The following CHST8 variants were observed in gnomAD, a reference collection of about 807,000 sequenced individuals.
CHST8 encodes GALNAC-4-ST1.
Under a neutral mutation model 15.0 loss-of-function variants are expected in CHST8, and 10 were observed. That is an observed-to-expected ratio of 0.67 (90% CI 0.41 to 1.13). CHST8 has a LOEUF of 1.13. Among genes scored for constraint, CHST8 ranks in the 50% most tolerant of loss-of-function variants. The probability of loss-of-function intolerance (pLI) is 0.00; values close to 1 mark genes in which losing one functional copy is unlikely to be tolerated. For missense variants in CHST8, 634 were observed against 608.2 expected (o/e 1.04, Z -0.45); for synonymous variants, 259 against 256.6 (o/e 1.01, Z -0.09).
intron 1 of CHST8, among the ~76,000 whole-genome samples, chr19:33,665,544 G>T (rs534459450): frequency 6.6e-6 from 1 of 152,070 alleles, no homozygotes; most frequent in South Asian, 2.1e-4. Context: ...ACACAGATGG[G>T]TATGGAAATG....
At chr19:33,691,318 ACACG>A (rs1484838829) in intron 3 of CHST8, among the ~76,000 whole-genome samples, 6 of 152,198 alleles carry the variant, frequency 3.9e-5, no homozygotes, top group Admixed American at 2.6e-4. Flanking sequence ...GGCAAGGAGC[ACACG>A]TGGGTCTTCT....
At chr19:33,727,262 T>C (rs1973918955) in intron 3 of CHST8, among the ~76,000 whole-genome samples, 1 of 152,116 alleles carries the variant, frequency 6.6e-6, no homozygotes, top group Non-Finnish European at 1.5e-5. Context: ...ATCTTCCATA[T>C]GTCAGGCTTA....
intron 3 of CHST8, among the ~76,000 whole-genome samples, chr19:33,725,681 C>G (rs1973881275): frequency 6.6e-6 from 1 of 152,250 alleles, no homozygotes; most frequent in Non-Finnish European, 1.5e-5. Context: ...CTCTGGGGGT[C>G]TCGGCACAGA....
intron 1 of CHST8, among the ~76,000 whole-genome samples, chr19:33,632,530 C>T (rs1455454320): frequency 6.6e-6 from 1 of 152,048 alleles, no homozygotes; most frequent in Admixed American, 6.6e-5. Flanking sequence ...ATATTTAAGC[C>T]TTTTATTCCA....
chr19:33,688,457 C>G (rs2145255637), intron 2 of CHST8, among the ~76,000 whole-genome samples: 1 of 152,294 alleles, frequency 6.6e-6, no homozygotes, highest in South Asian at 2.1e-4. Flanking sequence ...CTGTTGGACA[C>G]AGGTCTAGCT....
At chr19:33,765,498 G>A (rs564378400) in intron 3 of CHST8, among the ~76,000 whole-genome samples, 33 of 146,962 alleles carry the variant, frequency 2.2e-4, no homozygotes, top group African/African-American at 7.8e-4. Context: ...ACAGGGTTTA[G>A]ACAAATGCCA....
chr19:33,686,859 A>C (rs1310388666), intron 2 of CHST8, among the ~76,000 whole-genome samples: 1 of 152,170 alleles, frequency 6.6e-6, no homozygotes. Context: ...GCATGTATGC[A>C]TATGTGTGTT....
chr19:33,742,028 C>T (rs1974203297), intron 3 of CHST8, among the ~76,000 whole-genome samples: 1 of 152,074 alleles, frequency 6.6e-6, no homozygotes, highest in Non-Finnish European at 1.5e-5. Flanking sequence ...GCAACACTTC[C>T]AGTTCTCAGG....
At chr19:33,671,000 C>A (rs571829430) in intron 2 of CHST8, among the ~76,000 whole-genome samples, 2 of 152,302 alleles carry the variant, frequency 1.3e-5, no homozygotes, top group Non-Finnish European at 2.9e-5. Flanking sequence ...CCCCGGCATC[C>A]TGGCAGTTCC....
chr19:33,772,466 C>G lies in CHST8; in HGVS notation c.678C>G (p.Thr226=). The change falls in exon 5 of 5, where the codon ACC becomes ACG. Residue 226 remains threonine, a synonymous_variant. Transcript: ENST00000650847. ...ASSTADIQHN[T]VHYGSALKRL... ...CCACTGCCGACATCCAGCACAACAC[C>G]GTCCACTATGGCAGCGCTCTCAAGC... 3.1e-6 allele frequency: 5 copies of G among 1,613,254 alleles called. No homozygotes were observed. In the South Asian group the frequency reaches 4.4e-5, roughly 14 times the overall value.
intron 3 of CHST8, among the ~76,000 whole-genome samples, chr19:33,720,293 A>G (rs986752519): frequency 1.3e-5 from 2 of 150,496 alleles, no homozygotes; most frequent in Non-Finnish European, 1.5e-5. Flanking sequence ...ACACATACAC[A>G]CTCCCACACA....
intron 3 of CHST8, among the ~76,000 whole-genome samples, chr19:33,763,899 G>A (rs991453738): frequency 6.6e-6 from 1 of 152,196 alleles, no homozygotes; most frequent in South Asian, 2.1e-4. Context: ...GGTGTGGCCC[G>A]GTCCCAAAGC....
chr19:33,771,770 T>G (rs1270343970), intron 4 of CHST8, among the ~76,000 whole-genome samples, 187 bp from the exon 5 acceptor site: 1 of 151,928 alleles, frequency 6.6e-6, no homozygotes, highest in Non-Finnish European at 1.5e-5. Flanking sequence ...CACTTACACC[T>G]CAGCGGGAGG....
At chr19:33,654,400 TATA>T (rs1478220226) in intron 1 of CHST8, among the ~76,000 whole-genome samples, 2 of 152,290 alleles carry the variant, frequency 1.3e-5, no homozygotes, top group East Asian at 3.9e-4. Context: ...TTTGGTAGAT[TATA>T]ATTTCTGTGC....
At chr19:33,680,991 G>C (rs766877990) in intron 2 of CHST8, among the ~76,000 whole-genome samples, 1 of 152,056 alleles carries the variant, frequency 6.6e-6, no homozygotes, top group Non-Finnish European at 1.5e-5. Context: ...CAATTGTAAC[G>C]GTTTGCAAAA....
intron 3 of CHST8, among the ~76,000 whole-genome samples, chr19:33,760,801 C>T (rs1317424276): frequency 6.6e-6 from 1 of 152,184 alleles, no homozygotes; most frequent in Non-Finnish European, 1.5e-5. Flanking sequence ...TGTCAACTGT[C>T]CCACATTGCC....
intron 1 of CHST8, among the ~76,000 whole-genome samples, chr19:33,663,565 C>T (rs930720918): frequency 6.6e-6 from 1 of 152,028 alleles, no homozygotes. Flanking sequence ...CCCTGTCCCC[C>T]AAAAAGGTTT....
At chr19:33,736,310 G>T (rs920341979) in intron 3 of CHST8, among the ~76,000 whole-genome samples, 1 of 152,182 alleles carries the variant, frequency 6.6e-6, no homozygotes, top group African/African-American at 2.4e-5. Context: ...GGGCTCTCCC[G>T]GATGCTGCTA....
chr19:33,710,208 GT>G (rs1483012467), intron 3 of CHST8, among the ~76,000 whole-genome samples: 9 of 152,168 alleles, frequency 5.9e-5, no homozygotes, highest in African/African-American at 2.2e-4. Flanking sequence ...GATGTTAGTA[GT>G]TTGTATTGTC....
Sources: gnomAD v4.1 joint callset for allele counts (sites outside exome capture counted in the v4.1 genomes callset) on GRCh38, gnomAD v4.1.1 for gene constraint, MANE v1.5 for transcripts, NCBI Gene and HGNC (gene_info 2026-07-23, HGNC 2026-07-21) for gene names.